MCOLN3: variants seen among roughly 807,000 people sequenced by gnomAD.
MCOLN3 encodes the protein mucolipin TRP cation channel 3, also known as mucolipin-3.
In MCOLN3, 62 loss-of-function variants were observed where a neutral mutation model predicts 69.4. That is an observed-to-expected ratio of 0.89 (90% CI 0.73 to 1.10). MCOLN3 has a LOEUF of 1.10. Ranked by LOEUF, MCOLN3 falls within the 50% of genes least tolerant of loss-of-function variation. The probability of loss-of-function intolerance (pLI) is 0.00; values close to 1 mark genes in which losing one functional copy is unlikely to be tolerated. For missense variants in MCOLN3, 564 were observed against 656.4 expected, an observed-to-expected ratio of 0.86 and a Z score of 1.54; for synonymous variants, 183 against 217.0, an observed-to-expected ratio of 0.84 and a Z score of 1.38.
chr1:85,041,210 G>A (rs1332077396), intron 2 of MCOLN3, 33 bp from the exon 3 acceptor site: 2 of 1,576,856 alleles, frequency 1.3e-6, no homozygotes, highest in Non-Finnish European at 1.7e-6. Context: ...GTAAGAGGGT[G>A]GAAAATGTGG....
chr1:85,045,078 G>T, intron 2 of MCOLN3, 55 bp downstream of exon 2: 1 of 1,400,494 alleles, frequency 7.1e-7, no homozygotes, highest in Non-Finnish European at 9.9e-7. Context: ...ACTGTCCATA[G>T]TTATCTTTGT....
At chr1:85,022,278 G>C in intron 10 of MCOLN3, 21 bp downstream of exon 10, 1 of 1,613,612 alleles carries the variant, frequency 6.2e-7, no homozygotes. Flanking sequence ...CAACAGCATG[G>C]AGATCCGTGG....
intron 2 of MCOLN3, 30 bp from the exon 3 acceptor site, chr1:85,041,207 G>T: frequency 7.6e-6 from 12 of 1,586,694 alleles, no homozygotes; most frequent in Non-Finnish European, 1.0e-5. Context: ...AAGGTAAGAG[G>T]GTGGAAAATG....
Position 85,022,066 on chromosome 1 carries a change from G to A in MCOLN3, c.1320+4C>T, listed in dbSNP as rs1651965025. ...GTAACAGGAAAAAAGTTGTTTATCAGTACCTTGTCATGGTAAGGCCCCAGC... is the reference window on the plus strand; with the variant it reads ...GTAACAGGAAAAAAGTTGTTTATCAATACCTTGTCATGGTAAGGCCCCAGC... On this transcript the variant is annotated splice_donor_region_variant and intron_variant, in intron 11 of 12. Coordinates refer to ENST00000370589, the MANE Select transcript of MCOLN3 (RefSeq NM_018298.11). 1.9e-6 allele frequency: 3 copies of A among 1,613,000 alleles called. No individual in the cohort carries two copies. Among genetic ancestry groups the A allele is most frequent in the Non-Finnish European group, 8.5e-7 (1 of 1,179,608 alleles).
At position 85,018,342 on chromosome 1, in the gene MCOLN3, T is replaced by C. The variant is rs1651762094; in HGVS notation, c.*781A>G. On this transcript the variant is annotated 3_prime_UTR_variant, in exon 13 of 13. Coordinates refer to ENST00000370589, the MANE Select transcript of MCOLN3 (RefSeq NM_018298.11). ...ATAAAACCATATTTTTACTGTCCCT[T>C]TTCTATGTTTAGATACTTACCATTG... is the stretch of plus-strand genomic sequence containing the variant. The C allele has an allele frequency of 2.6e-5, 4 of 152,298 alleles. No homozygotes were observed. In the South Asian group the frequency reaches 8.3e-4, roughly 32 times the overall value. The allele number at this position is 152,298 out of a possible 1,614,324, so 9.4% of individuals were successfully genotyped here.
In MCOLN3 at chr1:85,034,211, T is replaced by G. The variant is rs950515019; in HGVS notation, c.437A>C (p.Tyr146Ser). 39 of 1,614,180 alleles carry G rather than the reference T, an allele frequency of 2.4e-5. No individual in the cohort carries two copies. The highest frequency in any genetic ancestry group is 3.1e-5 in the Non-Finnish European group (37 of 1,180,004). ...LYNVSVGNHA[Y>S]ENKGTKQSAM... ...AGATTGCTTGGTACCTTTGTTCTCATAAGCATGATTCCCAACGGAGACATT... is the reference window on the plus strand; with the variant it reads ...AGATTGCTTGGTACCTTTGTTCTCAGAAGCATGATTCCCAACGGAGACATT... The change falls in exon 4 of 13, where the codon TAT becomes TCT. Residue 146 changes from tyrosine (Y) to serine (S), a missense_variant. By Grantham distance (144) the Tyr-to-Ser change is moderately radical. Transcript: ENST00000370589.
At chr1:85,035,162 C>T (rs539205454) in intron 3 of MCOLN3, among the ~76,000 whole-genome samples, 18 of 152,194 alleles carry the variant, frequency 1.2e-4, no homozygotes, top group South Asian at 6.2e-4. Flanking sequence ...TCCTCCTACA[C>T]GGAATACTTT....
At chr1:85,026,616 G>A (rs1652234404) in intron 7 of MCOLN3, among the ~76,000 whole-genome samples, 2 of 150,258 alleles carry the variant, frequency 1.3e-5, no homozygotes, top group Admixed American at 1.3e-4. Context: ...AATTAGCCGG[G>A]CATGGTGGTG....
chr1:85,045,041 A>T, intron 2 of MCOLN3, 92 bp downstream of exon 2: 1 of 892,958 alleles, frequency 1.1e-6, no homozygotes, highest in Non-Finnish European at 1.7e-6. Context: ...TTTTGCATAT[A>T]GTTAAAAGTT....
In MCOLN3 at chr1:85,019,253, T is replaced by C; in HGVS notation, c.1532A>G (p.Tyr511Cys). 1 of 1,613,126 alleles carries C rather than the reference T, an allele frequency of 6.2e-7. No individual in the cohort carries two copies. Among genetic ancestry groups the C allele is most frequent in the Non-Finnish European group, 8.5e-7 (1 of 1,179,626 alleles). The stretch of plus-strand genomic sequence containing the variant: ...AGTCTCTGGGAAGCCATCTTGTTGG[T>C]ATTGCTAAACAGAAGAATGTTAAAA... ...ITDTYETIKQ[Y>C]QQDGFPETEL... Residue 511 changes from tyrosine (Y) to cysteine (C), a missense_variant, in exon 13 of 13, where the codon TAC (tyrosine) becomes TGC (cysteine). Physicochemically the swap from Tyr to Cys is radical, Grantham distance 194. Transcript: ENST00000370589.
chr1:85,044,804 G>C (rs1436676532), intron 2 of MCOLN3, among the ~76,000 whole-genome samples: 1 of 152,098 alleles, frequency 6.6e-6, no homozygotes, highest in Non-Finnish European at 1.5e-5. Context: ...TCCTAATGTT[G>C]GACAACACTA....
chr1:85,036,353 G>A (rs1324425068), intron 3 of MCOLN3, among the ~76,000 whole-genome samples: 9 of 151,884 alleles, frequency 5.9e-5, no homozygotes, highest in Admixed American at 5.9e-4. Flanking sequence ...TACCACACCC[G>A]GCTAATTTTT....
intron 2 of MCOLN3, among the ~76,000 whole-genome samples, chr1:85,041,870 C>CAAAAAAAAAAA (rs11446470): frequency 1.4e-5 from 1 of 69,688 alleles, no homozygotes; most frequent in African/African-American, 6.2e-5. Flanking sequence ...AACTACGTCT[C>CAAAAAAAAAAA]AAAAAAAAAA....
At chr1:85,044,114 A>C (rs552823829) in intron 2 of MCOLN3, among the ~76,000 whole-genome samples, 1 of 152,200 alleles carries the variant, frequency 6.6e-6, no homozygotes, top group Non-Finnish European at 1.5e-5. Flanking sequence ...AAAATGAGCC[A>C]GTAAGAATGT....
intron 3 of MCOLN3, among the ~76,000 whole-genome samples, chr1:85,035,910 G>T (rs1425269753): frequency 1.3e-5 from 2 of 152,116 alleles, no homozygotes; most frequent in Non-Finnish European, 2.9e-5. Context: ...TATCTGGAAG[G>T]TTCTTCCTTG....
intron 1 of MCOLN3, among the ~76,000 whole-genome samples, chr1:85,045,931 C>G (rs1013831348): frequency 1.3e-5 from 2 of 152,208 alleles, no homozygotes; most frequent in African/African-American, 4.8e-5. Context: ...TCAGGGAAAT[C>G]ACTTAGCCCT....
intron 7 of MCOLN3, among the ~76,000 whole-genome samples, chr1:85,028,059 T>TA (rs1277028456): frequency 6.6e-6 from 1 of 152,222 alleles, no homozygotes. Flanking sequence ...AGAGAATGCC[T>TA]AGGTGCCAGA....
chr1:85,019,208 G>T lies in MCOLN3; in HGVS notation c.1577C>A (p.Ser526Ter), dbSNP rs1358796036. ...AGAGTTGGGTAGATCTTTGCATTCT[G>T]ATATAAATGTACGAAGTTCAGTCTC... ...FPETELRTFI[S>*]ECKDLPNSGK... The change falls in exon 13 of 13, where the codon TCA becomes TAA. Residue 526 changes from serine (S) to a stop codon, truncating the protein, a stop_gained. Transcript: ENST00000370589. LOFTEE classifies it high-confidence loss of function. The T allele has an allele frequency of 1.2e-5, 19 of 1,613,358 alleles. No homozygotes were observed. The highest frequency in any genetic ancestry group is 1.7e-4 in the Middle Eastern group (1 of 6,056).
rs945782332 is a variant in MCOLN3, at chr1:85,025,926, G to C, written c.1095+13C>G. The C allele has an allele frequency of 1.9e-6, 3 of 1,584,984 alleles. No individual in the cohort carries two copies. The African/African-American group carries it at 4.1e-5, about 21-fold the overall frequency. ...TCTGACACTAACAATAGCATGATTA[G>C]GAAAAAAATTACCTTAGCTTGGATT... On this transcript the variant is annotated intron_variant, in intron 9 of 12. Coordinates refer to ENST00000370589, the MANE Select transcript of MCOLN3 (RefSeq NM_018298.11).
Sources: allele counts gnomAD v4.1 joint callset (sites outside exome capture counted in the v4.1 genomes callset), GRCh38; gene constraint gnomAD v4.1.1; transcripts MANE v1.5; gene names NCBI Gene and HGNC (gene_info 2026-07-23, HGNC 2026-07-21).